TBC1D22A: variants seen among roughly 807,000 people sequenced by gnomAD.
The protein encoded by TBC1D22A is TBC1 domain family member 22A.
TBC1D22A carries 38 observed loss-of-function variants against 60.2 expected under a neutral mutation model. That is an observed-to-expected ratio of 0.63 (90% CI 0.49 to 0.83). TBC1D22A has a LOEUF of 0.83. TBC1D22A is among the 40% of genes least tolerant of loss of function. The probability of loss-of-function intolerance (pLI) is 0.00; values close to 1 mark genes in which losing one functional copy is unlikely to be tolerated. For synonymous variants in TBC1D22A, 302 were observed against 281.7 expected, an observed-to-expected ratio of 1.07 and a Z score of -0.72; for missense variants, 628 against 701.0, an observed-to-expected ratio of 0.90 and a Z score of 1.18.
At chr22:46,795,805 A>G (rs565620128) in intron 3 of TBC1D22A, among the ~76,000 whole-genome samples, 1 of 152,214 alleles carries the variant, frequency 6.6e-6, no homozygotes, top group Non-Finnish European at 1.5e-5. Flanking sequence ...TGATGAAACC[A>G]CATCAGTCAT....
chr22:47,143,102 C>T (rs1397842283), intron 12 of TBC1D22A, among the ~76,000 whole-genome samples: 1 of 151,960 alleles, frequency 6.6e-6, no homozygotes, highest in Non-Finnish European at 1.5e-5. Context: ...GAGTGCCCCA[C>T]CTAAGCCTTG....
At chr22:47,154,545 G>A (rs1297885244) in intron 12 of TBC1D22A, among the ~76,000 whole-genome samples, 5 of 152,114 alleles carry the variant, frequency 3.3e-5, no homozygotes, top group Non-Finnish European at 2.9e-5. Context: ...CCCCAAACCC[G>A]ACAGCGTGCC....
intron 8 of TBC1D22A, among the ~76,000 whole-genome samples, chr22:46,924,750 A>AC (rs201929022): frequency 0.026 from 3,955 of 151,734 alleles, 111 homozygotes; most frequent in African/African-American, 0.068. Context: ...TATCTCAAAA[A>AC]AAAAACAAAA....
At chr22:47,061,766 G>T (rs1485739124) in intron 11 of TBC1D22A, among the ~76,000 whole-genome samples, 1 of 152,092 alleles carries the variant, frequency 6.6e-6, no homozygotes, top group African/African-American at 2.4e-5. Flanking sequence ...CCTTAAAAGT[G>T]TTCATCTATT....
At chr22:47,155,426 A>G (rs968555033) in intron 12 of TBC1D22A, among the ~76,000 whole-genome samples, 12 of 152,130 alleles carry the variant, frequency 7.9e-5, no homozygotes, top group Non-Finnish European at 1.8e-4. Context: ...AAGATTTTCA[A>G]ACTAATAACT....
In TBC1D22A at chr22:47,139,233, C is replaced by T. The variant is rs143385026; in HGVS notation, c.1425+27630C>T. Among the ~76,000 whole-genome samples the T allele has an allele frequency of 7.0e-4, 107 of 152,324 alleles. 3 individuals are homozygous for T. In the East Asian group the frequency reaches 0.018, roughly 26 times the overall value. ...CCAGTCAGGCACAGAACACTGAGGC[C>T]GCCAAAGACTGGCCCTTGGTTCCAG... On this transcript the variant is annotated intron_variant, in intron 12 of 12. Transcript: ENST00000337137.
At chr22:46,855,736 C>T (rs567480128) in intron 4 of TBC1D22A, among the ~76,000 whole-genome samples, 15 of 152,166 alleles carry the variant, frequency 9.9e-5, no homozygotes, top group East Asian at 1.9e-4. Context: ...GTGAGCCAGC[C>T]GGGGGGGTTG....
At chr22:47,101,886 C>T (rs2065431213) in intron 11 of TBC1D22A, among the ~76,000 whole-genome samples, 2 of 152,206 alleles carry the variant, frequency 1.3e-5, no homozygotes, top group African/African-American at 4.8e-5. Context: ...GCCCTTGCTC[C>T]AGTGACGTCC....
At chr22:47,168,731 C>T (rs982488882) in intron 12 of TBC1D22A, among the ~76,000 whole-genome samples, 1 of 136,836 alleles carries the variant, frequency 7.3e-6, no homozygotes, top group Non-Finnish European at 1.6e-5. Flanking sequence ...AGGACACGGG[C>T]TTGTCACCGT....
intron 4 of TBC1D22A, among the ~76,000 whole-genome samples, chr22:46,834,521 G>A (rs2086439008): frequency 6.6e-6 from 1 of 152,192 alleles, no homozygotes; most frequent in South Asian, 2.1e-4. Context: ...TGAGAGCATA[G>A]TGAACACCCA....
intron 10 of TBC1D22A, among the ~76,000 whole-genome samples, chr22:47,015,374 G>A (rs1386732255): frequency 6.6e-6 from 1 of 152,216 alleles, no homozygotes; most frequent in Non-Finnish European, 1.5e-5. Flanking sequence ...CAGGAACAAT[G>A]AATGCCTTCG....
intron 4 of TBC1D22A, among the ~76,000 whole-genome samples, chr22:46,800,706 C>T (rs2146955785): frequency 6.6e-6 from 1 of 152,318 alleles, no homozygotes; most frequent in East Asian, 1.9e-4. Context: ...CTAGCACATA[C>T]TAAACACTCA....
intron 12 of TBC1D22A, among the ~76,000 whole-genome samples, chr22:47,137,773 G>A (rs1049173998): frequency 6.6e-6 from 1 of 152,220 alleles, no homozygotes. Flanking sequence ...GGCCTCCCAC[G>A]AGGTTGGAGT....
intron 11 of TBC1D22A, among the ~76,000 whole-genome samples, chr22:47,083,382 CG>C (rs1228556547): frequency 6.8e-6 from 1 of 146,126 alleles, no homozygotes; most frequent in Non-Finnish European, 1.5e-5. Context: ...CACACACACA[CG>C]AGTCAAAACA....
At chr22:46,883,068 T>C (rs2067930047) in intron 5 of TBC1D22A, among the ~76,000 whole-genome samples, 1 of 152,262 alleles carries the variant, frequency 6.6e-6, no homozygotes, top group Non-Finnish European at 1.5e-5. Context: ...AAATTACTGC[T>C]ATACAGAATC....
intron 10 of TBC1D22A, among the ~76,000 whole-genome samples, chr22:47,001,252 C>A (rs2061397258): frequency 6.6e-6 from 1 of 150,632 alleles, no homozygotes; most frequent in Non-Finnish European, 1.5e-5. Flanking sequence ...AAAACAAAAT[C>A]TTGTCTGGAG....
In TBC1D22A at chr22:47,118,071, C is replaced by T. The variant is rs1041962570; in HGVS notation, c.1425+6468C>T. ...CTGGGAGGCTGAGGTTGCAGTGAGC[C>T]GAGATGACACCACTGCACTCCAGCC... On this transcript the variant is annotated intron_variant, in intron 12 of 12. Transcript: ENST00000337137. 4.6e-5 allele frequency among the ~76,000 whole-genome samples: 7 copies of T among 151,908 alleles called. No homozygotes were observed. The East Asian group carries it at 9.7e-4, about 21-fold the overall frequency.
chr22:47,098,749 C>T (rs1477803888), intron 11 of TBC1D22A, among the ~76,000 whole-genome samples: 3 of 152,218 alleles, frequency 2.0e-5, no homozygotes, highest in East Asian at 3.9e-4. Context: ...CTCCCTGTTG[C>T]CCGTTAACTT....
At chr22:46,865,425 G>A (rs1215081309) in intron 4 of TBC1D22A, among the ~76,000 whole-genome samples, 1 of 152,192 alleles carries the variant, frequency 6.6e-6, no homozygotes, top group African/African-American at 2.4e-5. Flanking sequence ...AAATGGAGTA[G>A]CGTAGGTTGA....
Sources: allele counts gnomAD v4.1 joint callset (sites outside exome capture counted in the v4.1 genomes callset), GRCh38; gene constraint gnomAD v4.1.1; transcripts MANE v1.5; gene names NCBI Gene and HGNC (gene_info 2026-07-23, HGNC 2026-07-21).